ZBTB7C: variants seen among roughly 807,000 people sequenced by gnomAD.
ZBTB7C encodes zinc finger and BTB domain-containing protein 7C.
In ZBTB7C, 8 loss-of-function variants were observed where a neutral mutation model predicts 25.7. The ratio of observed to expected loss-of-function variants is 0.31; its 90% CI spans 0.18 to 0.56. The LOEUF (loss-of-function observed/expected upper bound fraction) is 0.56. Ranked by LOEUF, ZBTB7C falls within the 20% of genes least tolerant of loss-of-function variation. ZBTB7C has a pLI of 0.91. For missense variants in ZBTB7C, 824 were observed against 855.2 expected (o/e 0.96, Z 0.46); for synonymous variants, 394 against 369.0 (o/e 1.07, Z -0.78).
At chr18:48,154,998 T>G (rs1231246622) in intron 3 of ZBTB7C, among the ~76,000 whole-genome samples, 1 of 152,190 alleles carries the variant, frequency 6.6e-6, no homozygotes, top group Non-Finnish European at 1.5e-5. Context: ...AGCCACCAAA[T>G]GTGGGAAGAG....
At chr18:48,264,668 A>G (rs2044260975) in intron 2 of ZBTB7C, among the ~76,000 whole-genome samples, 1 of 152,088 alleles carries the variant, frequency 6.6e-6, no homozygotes, top group Non-Finnish European at 1.5e-5. Flanking sequence ...CCTCCTTGAC[A>G]TCACCCTCCC....
At chr18:48,260,804 G>A (rs997337486) in intron 2 of ZBTB7C, among the ~76,000 whole-genome samples, 2 of 152,184 alleles carry the variant, frequency 1.3e-5, no homozygotes, top group Non-Finnish European at 2.9e-5. Context: ...CCTTGCTCCT[G>A]GCAGCAAAGC....
chr18:48,335,251 A>G (rs2046434487), intron 2 of ZBTB7C, among the ~76,000 whole-genome samples: 1 of 152,142 alleles, frequency 6.6e-6, no homozygotes, highest in Non-Finnish European at 1.5e-5. Context: ...GAAAACCCAA[A>G]TTTGTTTTTA....
intron 3 of ZBTB7C, among the ~76,000 whole-genome samples, chr18:48,099,379 G>A (rs1246767756): frequency 1.3e-5 from 2 of 152,206 alleles, no homozygotes; most frequent in Admixed American, 6.5e-5. Context: ...GTATATAATA[G>A]GCAAGTGCTG....
rs181915810 is a variant in ZBTB7C at position 48,392,423 on chromosome 18, A to C, written c.-304+16803T>G. Among the ~76,000 whole-genome samples, 9 of 152,328 alleles carry C rather than the reference A, an allele frequency of 5.9e-5. No homozygotes were observed. In the East Asian group the frequency reaches 1.7e-3, roughly 29 times the overall value. ...ATTGTGGTTTCTGCCCAGAAGTCCAAGTGCAAGCTATGGCTGTGTTTCTCT... is the reference window on the plus strand; with the variant it reads ...ATTGTGGTTTCTGCCCAGAAGTCCACGTGCAAGCTATGGCTGTGTTTCTCT... On this transcript the variant is annotated intron_variant, in intron 1 of 4. Coordinates refer to ENST00000590800, the MANE Select transcript of ZBTB7C (RefSeq NM_001318841.2).
At chr18:48,136,584 A>AC (rs2040172336) in intron 3 of ZBTB7C, among the ~76,000 whole-genome samples, 1 of 151,802 alleles carries the variant, frequency 6.6e-6, no homozygotes, top group Non-Finnish European at 1.5e-5. Flanking sequence ...GACAATTTAA[A>AC]CTACCAAGGT....
At chr18:48,079,727 C>G (rs893280495) in intron 3 of ZBTB7C, among the ~76,000 whole-genome samples, 1 of 152,238 alleles carries the variant, frequency 6.6e-6, no homozygotes, top group East Asian at 1.9e-4. Flanking sequence ...TGGGCTCCAG[C>G]CCGCTGGAAA....
intron 2 of ZBTB7C, among the ~76,000 whole-genome samples, chr18:48,236,030 T>C (rs1244373779): frequency 6.6e-6 from 1 of 152,242 alleles, no homozygotes; most frequent in Non-Finnish European, 1.5e-5. Context: ...TCAATCTCAC[T>C]ACTCTTTTAC....
intron 1 of ZBTB7C, among the ~76,000 whole-genome samples, chr18:48,369,893 A>G (rs188394691): frequency 6.6e-6 from 1 of 152,286 alleles, no homozygotes; most frequent in East Asian, 1.9e-4. Context: ...CAACCAATAG[A>G]ATCTAATCAA....
At chr18:48,139,528 A>G (rs1321804070) in intron 3 of ZBTB7C, among the ~76,000 whole-genome samples, 1 of 152,016 alleles carries the variant, frequency 6.6e-6, no homozygotes, top group Non-Finnish European at 1.5e-5. Context: ...TGCCAGGGCC[A>G]GTGATATTGC....
At chr18:48,112,742 ATC>A (rs1469798084) in intron 3 of ZBTB7C, among the ~76,000 whole-genome samples, 1 of 152,222 alleles carries the variant, frequency 6.6e-6, no homozygotes, top group Non-Finnish European at 1.5e-5. Context: ...TGTGCGGTAA[ATC>A]CATGGGCTAT....
At chr18:48,131,581 A>T (rs972528864) in intron 3 of ZBTB7C, among the ~76,000 whole-genome samples, 1 of 152,180 alleles carries the variant, frequency 6.6e-6, no homozygotes, top group Non-Finnish European at 1.5e-5. Flanking sequence ...ATTCAGTCCC[A>T]TAGGCATAAA....
Position 48,121,902 on chromosome 18 carries a change from G to A in ZBTB7C, c.-17+64032C>T, listed in dbSNP as rs1419466786. On this transcript the variant is annotated intron_variant, in intron 3 of 4. Coordinates refer to ENST00000590800, the MANE Select transcript of ZBTB7C (RefSeq NM_001318841.2). ...TCAGGATGGCTTTAGGGGAGACAGT[G>A]TTCTCACCAAGCAGCAGCAGAGACC... Among the ~76,000 whole-genome samples the A allele has an allele frequency of 5.3e-5, 8 of 152,304 alleles. No homozygotes were observed. In the East Asian group the frequency reaches 1.3e-3, roughly 26 times the overall value.
intron 2 of ZBTB7C, among the ~76,000 whole-genome samples, chr18:48,303,032 C>T (rs9956318): frequency 0.18 from 26,893 of 152,174 alleles, 2,470 homozygotes; most frequent in African/African-American, 0.2. Flanking sequence ...GCTGCCAAAG[C>T]TTCTGTCTCC....
intron 1 of ZBTB7C, among the ~76,000 whole-genome samples, chr18:48,391,206 C>T (rs1322006682): frequency 6.6e-6 from 1 of 152,198 alleles, no homozygotes; most frequent in African/African-American, 2.4e-5. Flanking sequence ...ACTGAGCCAG[C>T]CAAGTGAAGG....
intron 2 of ZBTB7C, among the ~76,000 whole-genome samples, chr18:48,315,352 C>A (rs1470627922): frequency 6.6e-6 from 1 of 152,146 alleles, no homozygotes. Context: ...TTTCTGTGAT[C>A]TAGTGAGGAA....
At chr18:48,100,452 C>T (rs2038789564) in intron 3 of ZBTB7C, among the ~76,000 whole-genome samples, 2 of 152,196 alleles carry the variant, frequency 1.3e-5, no homozygotes, top group Admixed American at 1.3e-4. Flanking sequence ...CTTCCTCCTC[C>T]AGCTTGCTAA....
At chr18:48,313,092 C>T (rs1821532762) in intron 2 of ZBTB7C, among the ~76,000 whole-genome samples, 1 of 152,182 alleles carries the variant, frequency 6.6e-6, no homozygotes, top group South Asian at 2.1e-4. Flanking sequence ...AACTATCACT[C>T]CTCTCGTCTC....
At chr18:48,278,794 C>T (rs2044744744) in intron 2 of ZBTB7C, among the ~76,000 whole-genome samples, 1 of 152,166 alleles carries the variant, frequency 6.6e-6, no homozygotes, top group Non-Finnish European at 1.5e-5. Flanking sequence ...ATATTTAGGG[C>T]TGGTTTGCCA....
Sources: gnomAD v4.1 joint callset for allele counts (sites outside exome capture counted in the v4.1 genomes callset) on GRCh38, gnomAD v4.1.1 for gene constraint, MANE v1.5 for transcripts, NCBI Gene and HGNC (gene_info 2026-07-23, HGNC 2026-07-21) for gene names.